The following CELF2 variants were observed in gnomAD, a reference collection of about 807,000 sequenced individuals.
The protein encoded by CELF2 is CUGBP Elav-like family member 2, also known as CUG triplet repeat RNA-binding protein 2.
Under a neutral mutation model 62.6 loss-of-function variants are expected in CELF2, and 8 were observed. That is an observed-to-expected ratio of 0.13 (90% CI 0.07 to 0.23). The LOEUF (loss-of-function observed/expected upper bound fraction) is 0.23. Among genes scored for constraint, CELF2 ranks in the 10% least tolerant of loss-of-function variants. The pLI is 1.00. For missense variants in CELF2, 333 were observed against 671.0 expected, an observed-to-expected ratio of 0.50 and a Z score of 5.56; for synonymous variants, 258 against 250.0, an observed-to-expected ratio of 1.03 and a Z score of -0.30.
chr10:10,481,703 A>G, the CELF2 span, among the ~76,000 whole-genome samples: 2 of 152,208 alleles, frequency 1.3e-5, no homozygotes, highest in South Asian at 2.1e-4. Context: ...AAAGGAAACA[A>G]TATCATTTCT....
the CELF2 span, among the ~76,000 whole-genome samples, chr10:10,539,004 C>A: frequency 6.6e-6 from 1 of 152,230 alleles, no homozygotes; most frequent in East Asian, 1.9e-4. Flanking sequence ...CAGCTCAAAA[C>A]TTCTTAGTCG....
chr10:10,614,990 G>A, the CELF2 span, among the ~76,000 whole-genome samples: 3 of 152,020 alleles, frequency 2.0e-5, no homozygotes, highest in Non-Finnish European at 2.9e-5. Flanking sequence ...AGAGCATGAT[G>A]GTATCCATGG....
At chr10:10,541,536 G>A in the CELF2 span, among the ~76,000 whole-genome samples, 2 of 152,108 alleles carry the variant, frequency 1.3e-5, no homozygotes, top group Non-Finnish European at 2.9e-5. Flanking sequence ...TTATTCATAA[G>A]TTTTCCAGGA....
In CELF2 at chr10:11,207,128, C is replaced by T. The variant is rs943426885; in HGVS notation, c.272-10297C>T. On this transcript the variant is annotated intron_variant, in intron 2 of 12. Coordinates refer to ENST00000633077, the MANE Select transcript of CELF2 (RefSeq NM_001326342.2). The surrounding 1 kb of genome is among the most constrained non-coding windows in gnomAD (Gnocchi z 4.1). ...TGTTACCTTTTCTATCTGTGTCGTGCTTTGGTGGAATTTACATAATCATGG... is the reference window on the plus strand; with the variant it reads ...TGTTACCTTTTCTATCTGTGTCGTGTTTTGGTGGAATTTACATAATCATGG... Among the ~76,000 whole-genome samples the T allele has an allele frequency of 5.3e-5, 8 of 152,340 alleles. No individual in the cohort carries two copies. The highest frequency in any genetic ancestry group is 1.0e-4 in the Non-Finnish European group (7 of 68,028).
At chr10:10,883,965 T>G (rs2061597205) in intron 1 of CELF2, among the ~76,000 whole-genome samples, 1 of 150,282 alleles carries the variant, frequency 6.7e-6, no homozygotes, top group Non-Finnish European at 1.5e-5. Flanking sequence ...TCCTTCTTAC[T>G]TTTGTCCTCC....
chr10:10,556,647 C>G, the CELF2 span, among the ~76,000 whole-genome samples: 2 of 152,084 alleles, frequency 1.3e-5, no homozygotes, highest in African/African-American at 2.4e-5. Context: ...ACAGTCCCAC[C>G]AACAGTGTAA....
chr10:10,598,083 C>G, the CELF2 span, among the ~76,000 whole-genome samples: 3 of 152,126 alleles, frequency 2.0e-5, no homozygotes, highest in African/African-American at 4.8e-5. Flanking sequence ...TGAAATAATA[C>G]TTTCTCCTAT....
At chr10:11,024,923 C>T (rs1441967127) in intron 1 of CELF2, among the ~76,000 whole-genome samples, 6 of 152,148 alleles carry the variant, frequency 3.9e-5, no homozygotes, top group Non-Finnish European at 8.8e-5. Flanking sequence ...CTTTGATTTA[C>T]ATACTAAGTC....
At chr10:11,230,074 A>T (rs1425415374) in intron 3 of CELF2, among the ~76,000 whole-genome samples, 1 of 152,154 alleles carries the variant, frequency 6.6e-6, no homozygotes, top group Non-Finnish European at 1.5e-5. Context: ...CCACAGGTAC[A>T]CTGGAGTCTT....
intron 9 of CELF2, among the ~76,000 whole-genome samples, chr10:11,299,303 G>A (rs908468320): frequency 4.6e-5 from 7 of 152,242 alleles, no homozygotes; most frequent in African/African-American, 1.2e-4. Flanking sequence ...GTCCTACTGA[G>A]TCCACGCGGC....
chr10:11,066,345 C>T (rs984042608), intron 1 of CELF2, among the ~76,000 whole-genome samples: 2 of 151,936 alleles, frequency 1.3e-5, no homozygotes, highest in African/African-American at 4.8e-5. Context: ...GGTGTGCTGC[C>T]AATCACTGTA....
chr10:10,551,314 A>G, the CELF2 span, among the ~76,000 whole-genome samples: 1 of 152,120 alleles, frequency 6.6e-6, no homozygotes, highest in African/African-American at 2.4e-5. Flanking sequence ...GGAATGGATC[A>G]GTGCAGCTCA....
chr10:10,500,842 C>T, the CELF2 span, among the ~76,000 whole-genome samples: 2 of 152,204 alleles, frequency 1.3e-5, no homozygotes, highest in Non-Finnish European at 2.9e-5. Flanking sequence ...ATCTGTTCTC[C>T]ATTTCTATAA....
At chr10:10,555,062 G>C in the CELF2 span, among the ~76,000 whole-genome samples, 5 of 152,220 alleles carry the variant, frequency 3.3e-5, no homozygotes, top group Non-Finnish European at 5.9e-5. Flanking sequence ...GTTAGAAAAA[G>C]AAAGGGAAAT....
At chr10:10,492,123 A>T in the CELF2 span, among the ~76,000 whole-genome samples, 3 of 152,144 alleles carry the variant, frequency 2.0e-5, no homozygotes, top group African/African-American at 7.2e-5. Flanking sequence ...GTGATGCCAG[A>T]TCACCAACAT....
At chr10:11,064,740 T>C (rs895215226) in intron 1 of CELF2, among the ~76,000 whole-genome samples, 1 of 152,098 alleles carries the variant, frequency 6.6e-6, no homozygotes, top group Admixed American at 6.5e-5. Flanking sequence ...AAAGGCACAT[T>C]CAATTAGGGG....
intron 2 of CELF2, among the ~76,000 whole-genome samples, chr10:10,998,320 G>A (rs972139603): frequency 9.2e-5 from 14 of 152,138 alleles, no homozygotes; most frequent in African/African-American, 1.4e-4. Flanking sequence ...GCTACTCTCT[G>A]CCTTGTCTCC....
the CELF2 span, among the ~76,000 whole-genome samples, chr10:10,536,891 T>A: frequency 6.6e-6 from 1 of 152,170 alleles, no homozygotes; most frequent in Non-Finnish European, 1.5e-5. Context: ...ACAGATGGGA[T>A]CTTGTGGACA....
the CELF2 span, among the ~76,000 whole-genome samples, chr10:10,720,874 A>G: frequency 0.028 from 4,325 of 152,300 alleles, 196 homozygotes; most frequent in African/African-American, 0.094. Context: ...ATAAAGCACA[A>G]TAAAGTAAGC....
Sources: allele counts gnomAD v4.1 joint callset (sites outside exome capture counted in the v4.1 genomes callset), GRCh38; gene constraint gnomAD v4.1.1; non-coding constraint Gnocchi (gnomAD v3.1); transcripts MANE v1.5; gene names NCBI Gene and HGNC (gene_info 2026-07-23, HGNC 2026-07-21).